The following AMMECR1 variants were observed in gnomAD, a reference collection of about 807,000 sequenced individuals.
AMMECR1 encodes the protein nuclear protein AMMECR1.
Under a neutral mutation model 22.5 loss-of-function variants are expected in AMMECR1, and 3 were observed. The observed-to-expected ratio is 0.13, with a 90% CI of 0.06 to 0.35. The LOEUF is 0.35. Ranked by LOEUF, AMMECR1 falls within the 10% of genes least tolerant of loss-of-function variation. AMMECR1 has a pLI of 1.00. For synonymous variants in AMMECR1, 130 were observed against 116.7 expected (o/e 1.11, Z -0.74); for missense variants, 235 against 278.7 (o/e 0.84, Z 1.12).
intron 1 of AMMECR1, among the ~76,000 whole-genome samples, chrX:110,308,014 C>G (rs777889263): frequency 9.3e-6 from 1 of 107,894 alleles, no homozygotes; most frequent in South Asian, 4.2e-4. Flanking sequence ...GGACTACAGG[C>G]GCATGCCATC....
rs5942922 is a variant in AMMECR1, at chrX:110,426,440, C to T, written c.-148+218G>A. On this transcript the variant is annotated intron_variant, in intron 2 of 7. Transcript: ENST00000372057. Reference sequence around the variant, plus strand: ...ACTTACAAATAGTCATGACCAGTGACGCACTGGAAAACTGCTCATTTTTAG... The same window carrying T: ...ACTTACAAATAGTCATGACCAGTGATGCACTGGAAAACTGCTCATTTTTAG... Among the ~76,000 whole-genome samples, 662 of 111,655 alleles carry T rather than the reference C, an allele frequency of 5.9e-3. 4 individuals carry two copies. Among genetic ancestry groups the T allele is most frequent in the South Asian group, 0.02 (52 of 2,627 alleles).
intron 2 of AMMECR1, among the ~76,000 whole-genome samples, chrX:110,405,096 C>CA (rs1345576852): frequency 4.0e-5 from 4 of 99,591 alleles, no homozygotes; most frequent in Admixed American, 1.1e-4. Flanking sequence ...TGTCCCCCCC[C>CA]CCCCCAAGCA....
chrX:110,256,824 A>T (rs1348152480), intron 2 of AMMECR1, among the ~76,000 whole-genome samples: 5 of 111,711 alleles, frequency 4.5e-5, no homozygotes, highest in Non-Finnish European at 9.4e-5. Flanking sequence ...TCATGCTCAT[A>T]AGATCATAAC....
At chrX:110,346,225 A>T (rs931643250) in intron 2 of AMMECR1, among the ~76,000 whole-genome samples, 2 of 112,052 alleles carry the variant, frequency 1.8e-5, no homozygotes, top group African/African-American at 6.5e-5. Context: ...TTAAATTTTT[A>T]TATGTTACTT....
chrX:110,328,463 CTCTT>C (rs1234602192), intron 2 of AMMECR1, among the ~76,000 whole-genome samples: 1 of 84,329 alleles, frequency 1.2e-5, no homozygotes, highest in Non-Finnish European at 2.3e-5. Context: ...AGATGTTTGA[CTCTT>C]TTTTTTTTTT....
chrX:110,401,372 G>A (rs2068563683), intron 2 of AMMECR1, among the ~76,000 whole-genome samples: 1 of 111,404 alleles, frequency 9.0e-6, no homozygotes, highest in Admixed American at 9.5e-5. Context: ...ACCTACTATG[G>A]CTCCTACAGG....
upstream of AMMECR1, among the ~76,000 whole-genome samples, chrX:110,322,898 T>TA (rs767638413): frequency 9.8e-5 from 11 of 111,802 alleles, no homozygotes; most frequent in African/African-American, 3.3e-4. Context: ...ATAGTGCAGC[T>TA]AACCCTCCAA....
intron 2 of AMMECR1, among the ~76,000 whole-genome samples, chrX:110,394,601 A>G (rs1048908843): frequency 8.9e-6 from 1 of 112,824 alleles, no homozygotes; most frequent in African/African-American, 3.2e-5. Context: ...CTTAAAGTCC[A>G]GTTCCCAAGA....
intron 2 of AMMECR1, among the ~76,000 whole-genome samples, chrX:110,358,138 G>A (rs905663557): frequency 8.9e-6 from 1 of 111,787 alleles, no homozygotes; most frequent in African/African-American, 3.3e-5. Flanking sequence ...TGTCTTTGAG[G>A]CATTTACAGA....
chrX:110,266,497 C>T (rs2148199612), intron 1 of AMMECR1, among the ~76,000 whole-genome samples: 1 of 110,534 alleles, frequency 9.0e-6, no homozygotes, highest in African/African-American at 3.3e-5. Context: ...ATTCTCCTGC[C>T]TCAGCCTCCT....
intron 2 of AMMECR1, among the ~76,000 whole-genome samples, chrX:110,244,273 C>T (rs1207103645): frequency 1.8e-5 from 2 of 111,818 alleles, no homozygotes; most frequent in African/African-American, 6.5e-5. Context: ...TAATCTCTAT[C>T]CTTTCCATTC....
In AMMECR1 at chrX:110,244,476, T is replaced by C. The variant is rs185621406; in HGVS notation, c.584+20013A>G. 2.7e-5 allele frequency among the ~76,000 whole-genome samples: 3 copies of C among 112,096 alleles called. No individual in the cohort carries two copies. The East Asian group carries it at 8.4e-4, about 31-fold the overall frequency. On this transcript the variant is annotated intron_variant, in intron 2 of 5. Transcript: ENST00000262844. ...ACTTTTGAATGTTGAAATTGAGTCGTATATGTCCATAGAGGTTCGGCTTAC... is the reference window on the plus strand; with the variant it reads ...ACTTTTGAATGTTGAAATTGAGTCGCATATGTCCATAGAGGTTCGGCTTAC...
Position 110,300,177 on chromosome X carries a change from C to A in AMMECR1, c.473+17422G>T, listed in dbSNP as rs1214417828. Among the ~76,000 whole-genome samples the A allele has an allele frequency of 5.3e-5, 6 of 112,239 alleles. No homozygotes were observed. In the East Asian group the frequency reaches 1.7e-3, roughly 31 times the overall value. ...TACAAAGGTTCCCTTTTGTCCATAT[C>A]CTTGCCAACACCTGTGTTCTCTTGT... On this transcript the variant is annotated intron_variant, in intron 1 of 5. Transcript: ENST00000262844.
At chrX:110,424,068 A>T (rs929270627) in intron 2 of AMMECR1, among the ~76,000 whole-genome samples, 5 of 111,763 alleles carry the variant, frequency 4.5e-5, no homozygotes, top group Non-Finnish European at 9.4e-5. Flanking sequence ...CCTCACCACA[A>T]AGCTATGAGG....
chrX:110,330,711 A>C (rs1278098585), intron 2 of AMMECR1, among the ~76,000 whole-genome samples: 1 of 111,269 alleles, frequency 9.0e-6, no homozygotes, highest in Non-Finnish European at 1.9e-5. Flanking sequence ...ATTGGACTAA[A>C]ACCCATCTTC....
At chrX:110,369,613 A>G (rs1044360964) in intron 2 of AMMECR1, among the ~76,000 whole-genome samples, 1 of 111,211 alleles carries the variant, frequency 9.0e-6, no homozygotes, top group African/African-American at 3.3e-5. Flanking sequence ...ATCACACTCA[A>G]GGTAAAAGCT....
In AMMECR1 at chrX:110,405,100, C is replaced by A. The variant is rs1016815907; in HGVS notation, c.-148+21558G>T. Among the ~76,000 whole-genome samples the A allele has an allele frequency of 6.3e-4, 63 of 100,222 alleles. 3 individuals are homozygous for A. Among genetic ancestry groups the A allele is most frequent in the Admixed American group, 4.3e-4 (4 of 9,296 alleles). 87.0% of individuals were successfully genotyped at this position (100,222 alleles called of 115,157 possible). ...TGTGCTTGTTGTGTCCCCCCCCCCC[C>A]CAAGCATGAGTCAGAGCCTTTCATG... On this transcript the variant is annotated intron_variant, in intron 2 of 7. Transcript: ENST00000372057.
At chrX:110,295,708 T>A (rs1476133188) in intron 1 of AMMECR1, among the ~76,000 whole-genome samples, 1 of 111,584 alleles carries the variant, frequency 9.0e-6, no homozygotes, top group Non-Finnish European at 1.9e-5. Context: ...CTAGTTTGAG[T>A]CACTTTCTTA....
chrX:110,428,600 TC>T (rs1249086512), intron 1 of AMMECR1, among the ~76,000 whole-genome samples: 1 of 110,123 alleles, frequency 9.1e-6, no homozygotes, highest in South Asian at 3.9e-4. Context: ...ATCTGAACAC[TC>T]CCCCCCTCTC....
Sources: gnomAD v4.1 joint callset for allele counts (sites outside exome capture counted in the v4.1 genomes callset) on GRCh38, gnomAD v4.1.1 for gene constraint, MANE v1.5 for transcripts, NCBI Gene and HGNC (gene_info 2026-07-23, HGNC 2026-07-21) for gene names.